The following PI4K2A variants were observed in gnomAD, a reference collection of about 807,000 sequenced individuals.
PI4K2A encodes the protein phosphatidylinositol 4-kinase type 2-alpha.
Under a neutral mutation model 55.0 loss-of-function variants are expected in PI4K2A, and 20 were observed. That is an observed-to-expected ratio of 0.36 (90% CI 0.26 to 0.53). PI4K2A has a LOEUF of 0.53. PI4K2A is among the 20% of genes least tolerant of loss of function. The pLI is 0.91. For missense variants in PI4K2A, 463 were observed against 637.1 expected, an observed-to-expected ratio of 0.73 and a Z score of 2.94; for synonymous variants, 235 against 258.5, an observed-to-expected ratio of 0.91 and a Z score of 0.87.
At chr10:97,643,118 C>G (rs1046277888) in intron 1 of PI4K2A, among the ~76,000 whole-genome samples, 1 of 151,586 alleles carries the variant, frequency 6.6e-6, no homozygotes, top group Non-Finnish European at 1.5e-5. Flanking sequence ...TTCCGAGTAG[C>G]TGGGACTACA....
chr10:97,650,278 C>CTTTTTTTTT (rs71007356), intron 1 of PI4K2A, among the ~76,000 whole-genome samples: 5,410 of 107,676 alleles, frequency 0.05, 722 homozygotes, highest in African/African-American at 0.17. Context: ...GCTTCTGTAC[C>CTTTTTTTTT]TTTTTTTTTT....
At chr10:97,662,638 GGCAGGTGCTCTAGGGGAAAAGAA>G (rs2041591087) in intron 4 of PI4K2A, among the ~76,000 whole-genome samples, 1 of 152,114 alleles carries the variant, frequency 6.6e-6, no homozygotes, top group African/African-American at 2.4e-5. Flanking sequence ...TTTCCAAATT[GGCAGGTGCTCTAGGGGAAAAGAA>G]GCCACAGTGC....
At chr10:97,644,033 C>T (rs933570070) in intron 1 of PI4K2A, among the ~76,000 whole-genome samples, 42 of 152,256 alleles carry the variant, frequency 2.8e-4, no homozygotes, top group Admixed American at 2.4e-3. Context: ...CTATCCTTTG[C>T]TCCCTCAGAG....
rs11293508 is a variant in PI4K2A, at chr10:97,661,851, A to AT, written c.923-1037dup. ...AAAGGCTTGATCAAATTCAGGTTTG[A>AT]TTTTTTTTTTTTTTTTTTTGAGGCA... On this transcript the variant is annotated intron_variant, in intron 4 of 8. Coordinates refer to ENST00000370631, the Ensembl canonical transcript of PI4K2A. Among the ~76,000 whole-genome samples the AT allele has an allele frequency of 2.1e-3, 263 of 126,010 alleles. 2 individuals are homozygous for AT. Among genetic ancestry groups the AT allele is most frequent in the Middle Eastern group, 4.1e-3 (1 of 242 alleles). The allele number at this position is 126,010 out of a possible 152,430, so 82.7% of individuals were successfully genotyped here.
chr10:97,675,588 C>T, exon 9 of PI4K2A: 1 of 152,564 alleles, frequency 6.6e-6, no homozygotes, highest in Non-Finnish European at 1.5e-5. Flanking sequence ...TGGTAAAGTG[C>T]CCATCTGGTG....
At chr10:97,666,855 A>G (rs1349696658) in intron 7 of PI4K2A, among the ~76,000 whole-genome samples, 2 of 152,208 alleles carry the variant, frequency 1.3e-5, no homozygotes, top group Non-Finnish European at 2.9e-5. Context: ...ACTGGAGCCT[A>G]GAGTTTGAGA....
rs1405876212 is a variant in PI4K2A, at chr10:97,642,833, TCC to T, written c.435+1657_435+1658del. Among the ~76,000 whole-genome samples, 49 of 3,764 alleles carry T rather than the reference TCC, an allele frequency of 0.013. 7 individuals are homozygous for T. The South Asian group carries it at 0.14, about 11-fold the overall frequency. 2.5% of individuals were successfully genotyped at this position (3,764 alleles called of 152,430 possible). A position where few individuals can be genotyped will look rare whatever the true frequency, so the allele number is the denominator to read the frequency against. ...TTCCTTCCTTCCTTCCTTCCTTCCT[TCC>T]TTCCTTCCTTCCTTCCTTTCTTTCT... On this transcript the variant is annotated intron_variant, in intron 1 of 8. Coordinates refer to ENST00000370631, the Ensembl canonical transcript of PI4K2A.
At chr10:97,658,438 C>T (rs910691844) in intron 4 of PI4K2A, among the ~76,000 whole-genome samples, 2 of 152,178 alleles carry the variant, frequency 1.3e-5, no homozygotes, top group African/African-American at 4.8e-5. Flanking sequence ...ATTTATCTTT[C>T]AGTGAACACT....
At chr10:97,649,959 G>GT (rs2041522901) in intron 1 of PI4K2A, among the ~76,000 whole-genome samples, 2 of 152,026 alleles carry the variant, frequency 1.3e-5, no homozygotes, top group South Asian at 4.1e-4. Context: ...AGTTGGTAAA[G>GT]TTTTTAGTCT....
intron 1 of PI4K2A, among the ~76,000 whole-genome samples, chr10:97,647,656 C>T (rs1366222736): frequency 6.6e-6 from 1 of 152,188 alleles, no homozygotes; most frequent in Admixed American, 6.6e-5. Flanking sequence ...ACACTTAGTC[C>T]TGAAAGGCAC....
intron 1 of PI4K2A, among the ~76,000 whole-genome samples, chr10:97,648,426 A>G (rs561618995): frequency 8.0e-4 from 122 of 152,162 alleles, no homozygotes; most frequent in South Asian, 2.1e-3. Flanking sequence ...GTATTGCCCA[A>G]ACTGGTCTCA....
intron 1 of PI4K2A, among the ~76,000 whole-genome samples, chr10:97,644,824 G>A (rs1365913887): frequency 1.3e-5 from 2 of 152,134 alleles, no homozygotes; most frequent in Non-Finnish European, 2.9e-5. Context: ...AAAAATCATG[G>A]GTCTTGTGTC....
chr10:97,665,067 A>G (rs952845160), intron 6 of PI4K2A, 83 bp downstream of exon 6: 2 of 798,498 alleles, frequency 2.5e-6, no homozygotes, highest in African/African-American at 3.4e-5. Flanking sequence ...TAATGTCTCT[A>G]TCATAGGATT....
At chr10:97,655,390 A>AAAAAAT (rs762558597) in intron 2 of PI4K2A, among the ~76,000 whole-genome samples, 1 of 141,600 alleles carries the variant, frequency 7.1e-6, no homozygotes, top group Non-Finnish European at 1.5e-5. Context: ...AAAAAAAAAA[A>AAAAAAT]TTTTTTTTCA....
rs1159017392 is a variant in PI4K2A at position 97,656,942 on chromosome 10, T to C, written c.890T>C (p.Leu297Ser). 1.9e-6 allele frequency: 3 copies of C among 1,613,728 alleles called. No homozygotes were observed. Among genetic ancestry groups the C allele is most frequent in the Non-Finnish European group, 2.5e-6 (3 of 1,179,608 alleles). Residue 297 changes from leucine (L) to serine (S), a missense_variant, in exon 4 of 9, where the codon TTG becomes TCG. By Grantham distance (145) the Leu-to-Ser change is moderately radical. This residue lies in a region of PI4K2A where 277 missense variants were observed against 432.6 expected (regional missense o/e 0.64). Coordinates refer to ENST00000370631, the Ensembl canonical transcript of PI4K2A. This position sits in a 1 kb window ranked among gnomAD's most constrained non-coding sequence, Gnocchi z 4.5. ...CAACTACTGCTCCAGTTTGAGCGGT[T>C]GGTGGTGCTGGATTACATCATCCGC... is the stretch of plus-strand genomic sequence containing the variant.
intron 4 of PI4K2A, among the ~76,000 whole-genome samples, chr10:97,660,584 G>C (rs969731045): frequency 6.6e-6 from 1 of 151,844 alleles, no homozygotes; most frequent in African/African-American, 2.4e-5. Context: ...GTGAGCCATC[G>C]AGCCCGGGCT....
chr10:97,653,018 T>TA (rs1162258528), intron 2 of PI4K2A, among the ~76,000 whole-genome samples: 1 of 152,242 alleles, frequency 6.6e-6, no homozygotes, highest in African/African-American at 2.4e-5. Flanking sequence ...CTTTATGCCT[T>TA]ACTTTTCCCT....
At chr10:97,657,457 C>T (rs933526358) in intron 4 of PI4K2A, among the ~76,000 whole-genome samples, 17 of 151,996 alleles carry the variant, frequency 1.1e-4, no homozygotes, top group African/African-American at 3.6e-4. Context: ...CATTTGAGGC[C>T]GGGAGTTCCA....
chr10:97,663,038 C>A, intron 5 of PI4K2A, 70 bp downstream of exon 5: 1 of 1,030,636 alleles, frequency 9.7e-7, no homozygotes, highest in South Asian at 1.3e-5. Flanking sequence ...ATAAAATGGT[C>A]AGAGATGTAG....
Sources: gnomAD v4.1 joint callset for allele counts (sites outside exome capture counted in the v4.1 genomes callset) on GRCh38, gnomAD v4.1.1 for gene constraint, gnomAD v4.1.1 regional missense constraint, Gnocchi (gnomAD v3.1) non-coding constraint, MANE v1.5 for transcripts, NCBI Gene and HGNC (gene_info 2026-07-23, HGNC 2026-07-21) for gene names.